FCER1G: variants seen among roughly 807,000 people sequenced by gnomAD.
FCER1G encodes the protein high affinity immunoglobulin epsilon receptor subunit gamma.
Under a neutral mutation model 17.3 loss-of-function variants are expected in FCER1G, and 7 were observed. The observed-to-expected ratio is 0.40, with a 90% CI of 0.23 to 0.76. FCER1G has a LOEUF of 0.76. Ranked by LOEUF, FCER1G falls within the 30% of genes least tolerant of loss-of-function variation. The probability of loss-of-function intolerance (pLI) is 0.35; values close to 1 mark genes in which losing one functional copy is unlikely to be tolerated. For missense variants in FCER1G, 87 were observed against 97.7 expected (o/e 0.89, Z 0.46); for synonymous variants, 35 against 38.7 (o/e 0.90, Z 0.35).
At position 161,215,364 on chromosome 1, in the gene FCER1G, C is replaced by A. The variant is rs758150032; in HGVS notation, c.43C>A (p.Gln15Lys). Reference sequence around the variant, plus strand: ...CTTGCTCTTACTCCTTTTGGTTGAACAAGCAGGTAAGAGGGTTTGGTGAGG... The same window carrying A: ...CTTGCTCTTACTCCTTTTGGTTGAAAAAGCAGGTAAGAGGGTTTGGTGAGG... ...VVLLLLLLVE[Q>K]AAALGEPQLC... Residue 15 changes from glutamine to lysine, a missense_variant, in exon 1 of 5, where the codon CAA (glutamine) becomes AAA (lysine). By Grantham distance (53) the Gln-to-Lys change is moderately conservative. Transcript: ENST00000289902. 1.2e-6 allele frequency: 2 copies of A among 1,613,554 alleles called. No individual in the cohort carries two copies. The highest frequency in any genetic ancestry group is 1.7e-5 in the Admixed American group (1 of 59,986).
At chr1:161,216,705 G>A (rs866000708) in intron 1 of FCER1G, among the ~76,000 whole-genome samples, 4 of 152,152 alleles carry the variant, frequency 2.6e-5, no homozygotes, top group Admixed American at 6.6e-5. Context: ...CTCACTCCTC[G>A]TTCACTCTGT....
chr1:161,218,415 A>G (rs1000696527), intron 3 of FCER1G, 139 bp downstream of exon 3: 1 of 739,446 alleles, frequency 1.4e-6, no homozygotes, highest in Non-Finnish European at 2.4e-6. Flanking sequence ...CCTCCCTCCC[A>G]CCTTACCTAG....
At chr1:161,215,767 A>G (rs1666024776) in intron 1 of FCER1G, among the ~76,000 whole-genome samples, 1 of 151,834 alleles carries the variant, frequency 6.6e-6, no homozygotes, top group Admixed American at 6.6e-5. Flanking sequence ...TAAGTTAAGT[A>G]TTTTTGGTAG....
At position 161,216,411 on chromosome 1, in the gene FCER1G, C is replaced by CAT. The variant is rs71090369; in HGVS notation, c.49+1057_49+1058dup. ...ACACACACACACACACACACACACACATATATATATATATATAGAGAGAGA... is the reference window on the plus strand; with the variant it reads ...ACACACACACACACACACACACACACATATATATATATATATATAGAGAGAGA... On this transcript the variant is annotated intron_variant, in intron 1 of 4. Coordinates refer to ENST00000289902, the MANE Select transcript of FCER1G (RefSeq NM_004106.2). 2.3e-3 allele frequency among the ~76,000 whole-genome samples: 301 copies of CAT among 129,750 alleles called. 2 individuals are homozygous for CAT. The highest frequency in any genetic ancestry group is 0.017 in the Middle Eastern group (4 of 240). 85.1% of individuals were successfully genotyped at this position (129,750 alleles called of 152,430 possible).
At position 161,215,328 on chromosome 1, in the gene FCER1G, C is replaced by T. The variant is rs774576786; in HGVS notation, c.7C>T (p.Pro3Ser). Residue 3 changes from proline (P) to serine (S), a missense_variant, in exon 1 of 5, where the codon CCA becomes TCA. By Grantham distance (74) the Pro-to-Ser change is moderately conservative. Transcript: ENST00000289902. ...GGCCGATCTCCAGCCCAAGATGATT[C>T]CAGCAGTGGTCTTGCTCTTACTCCT... MI[P>S]AVVLLLLLLV... 3 of 1,613,762 alleles carry T rather than the reference C, an allele frequency of 1.9e-6. No homozygotes were observed. Among genetic ancestry groups the T allele is most frequent in the Non-Finnish European group, 1.7e-6 (2 of 1,179,776 alleles).
rs748954047 is a variant in FCER1G at position 161,218,095 on chromosome 1, G to A, written c.141+18G>A. 6.3e-7 allele frequency: 1 copy of A among 1,598,524 alleles called. No homozygotes were observed. The highest frequency in any genetic ancestry group is 8.6e-7 in the Non-Finnish European group (1 of 1,165,850). ...GACTGAAGGTAGCGCTGGGCAGGGTGGGGTAAGGGCTGGAAGGGGAAGTGG... is the reference window on the plus strand; with the variant it reads ...GACTGAAGGTAGCGCTGGGCAGGGTAGGGTAAGGGCTGGAAGGGGAAGTGG... On this transcript the variant is annotated intron_variant, in intron 2 of 4. Transcript: ENST00000289902.
rs774576786 is a variant in FCER1G, at chr1:161,215,328, C to G, written c.7C>G (p.Pro3Ala). MI[P>A]AVVLLLLLLV... ...GGCCGATCTCCAGCCCAAGATGATT[C>G]CAGCAGTGGTCTTGCTCTTACTCCT... is the stretch of plus-strand genomic sequence containing the variant. The change falls in exon 1 of 5, where the codon CCA becomes GCA. Residue 3 changes from proline to alanine, a missense_variant. Physicochemically the swap from Pro to Ala is conservative, Grantham distance 27. Transcript: ENST00000289902. The G allele has an allele frequency of 6.2e-7, 1 of 1,613,760 alleles. No individual in the cohort carries two copies. The highest frequency in any genetic ancestry group is 8.5e-7 in the Non-Finnish European group (1 of 1,179,774).
chr1:161,216,515 C>G (rs1389880265), intron 1 of FCER1G, among the ~76,000 whole-genome samples: 2 of 151,556 alleles, frequency 1.3e-5, no homozygotes, highest in South Asian at 2.1e-4. Flanking sequence ...ATAGCCAAGA[C>G]AAACAGACGG....
chr1:161,217,212 G>C (rs974066747), intron 1 of FCER1G, among the ~76,000 whole-genome samples: 1 of 152,064 alleles, frequency 6.6e-6, no homozygotes, highest in African/African-American at 2.4e-5. Flanking sequence ...GCAGTCTCTG[G>C]AGCCCAGACT....
intron 1 of FCER1G, among the ~76,000 whole-genome samples, chr1:161,216,425 T>TAG (rs747074278): frequency 0.063 from 8,850 of 140,060 alleles, 325 homozygotes; most frequent in Non-Finnish European, 0.085. Context: ...TATATATATA[T>TAG]ATAGAGAGAG....
rs775459058 is a variant in FCER1G at position 161,216,423 on chromosome 1, T to TAG, written c.49+1054_49+1055insGA. Among the ~76,000 whole-genome samples the TAG allele has an allele frequency of 1.0e-2, 1,418 of 142,080 alleles. 17 individuals carry two copies. Among genetic ancestry groups the TAG allele is most frequent in the Middle Eastern group, 0.018 (5 of 276 alleles). The allele number at this position is 142,080 out of a possible 152,430, so 93.2% of individuals were successfully genotyped here. The stretch of plus-strand genomic sequence containing the variant: ...ACACACACACACACATATATATATA[T>TAG]ATATAGAGAGAGAGAGAGAGAGAGA... On this transcript the variant is annotated intron_variant, in intron 1 of 4. Coordinates refer to ENST00000289902, the MANE Select transcript of FCER1G (RefSeq NM_004106.2).
intron 1 of FCER1G, among the ~76,000 whole-genome samples, chr1:161,216,411 C>CACACATAT (rs1491150470): frequency 1.5e-3 from 189 of 129,786 alleles, no homozygotes; most frequent in Non-Finnish European, 2.2e-3. Flanking sequence ...CACACACACA[C>CACACATAT]ATATATATAT....
intron 1 of FCER1G, among the ~76,000 whole-genome samples, chr1:161,216,383 C>A (rs900100723): frequency 8.2e-6 from 1 of 122,090 alleles, no homozygotes; most frequent in Non-Finnish European, 1.7e-5. Context: ...CACATACACA[C>A]ACACACACAC....
rs1164017668 is a variant in FCER1G, at chr1:161,218,729, T to C, written c.198+6T>C. 1 of 1,613,900 alleles carries C rather than the reference T, an allele frequency of 6.2e-7. No individual in the cohort carries two copies. Among genetic ancestry groups the C allele is most frequent in the Non-Finnish European group, 8.5e-7 (1 of 1,179,884 alleles). ...AATCAGATGGTGTTTACACGGTAAGTGTGCCTACCTCCCCCACCCAGGAAG... is the reference window on the plus strand; with the variant it reads ...AATCAGATGGTGTTTACACGGTAAGCGTGCCTACCTCCCCCACCCAGGAAG... On this transcript the variant is annotated splice_donor_region_variant and intron_variant, in intron 4 of 4. Coordinates refer to ENST00000289902, the MANE Select transcript of FCER1G (RefSeq NM_004106.2).
intron 1 of FCER1G, among the ~76,000 whole-genome samples, chr1:161,216,311 CAA>C (rs1221106528): frequency 8.8e-5 from 9 of 102,598 alleles, no homozygotes; most frequent in Non-Finnish European, 6.1e-5. Context: ...GACTCCGTCT[CAA>C]AAAAAAAAAA....
intron 1 of FCER1G, among the ~76,000 whole-genome samples, chr1:161,216,425 TATAGAGAGAGAG>T: frequency 7.1e-6 from 1 of 140,874 alleles, no homozygotes; most frequent in Non-Finnish European, 1.5e-5. Flanking sequence ...TATATATATA[TATAGAGAGAGAG>T]AGAGAGAGAG....
At chr1:161,216,751 G>T (rs559049709) in intron 1 of FCER1G, among the ~76,000 whole-genome samples, 1 of 152,276 alleles carries the variant, frequency 6.6e-6, no homozygotes, top group African/African-American at 2.4e-5. Context: ...TGTGTTGGTG[G>T]CAGCTGGGTG....
chr1:161,218,213 T>C, intron 2 of FCER1G, 28 bp from the exon 3 acceptor site: 1 of 1,610,790 alleles, frequency 6.2e-7, no homozygotes, highest in East Asian at 2.2e-5. Context: ...TAACTTACCC[T>C]TTACTGATAA....
intron 1 of FCER1G, among the ~76,000 whole-genome samples, chr1:161,217,007 A>G (rs1367820623): frequency 2.0e-5 from 3 of 152,224 alleles, no homozygotes; most frequent in African/African-American, 7.2e-5. Context: ...TGAGTGAGTT[A>G]CTTAGCTTTT....
Sources: gnomAD v4.1 joint callset for allele counts (sites outside exome capture counted in the v4.1 genomes callset) on GRCh38, gnomAD v4.1.1 for gene constraint, MANE v1.5 for transcripts, NCBI Gene and HGNC (gene_info 2026-07-23, HGNC 2026-07-21) for gene names.